SEMA3D: variants seen among roughly 807,000 people sequenced by gnomAD.
SEMA3D encodes semaphorin-3D.
SEMA3D carries 84 observed loss-of-function variants against 100.1 expected under a neutral mutation model. That is an observed-to-expected ratio of 0.84 (90% CI 0.70 to 1.01). SEMA3D has a LOEUF of 1.01. Ranked by LOEUF, SEMA3D falls within the 50% of genes least tolerant of loss-of-function variation. SEMA3D has a pLI of 0.00. For missense variants in SEMA3D, 875 were observed against 934.1 expected, an observed-to-expected ratio of 0.94 and a Z score of 0.82; for synonymous variants, 312 against 320.7, an observed-to-expected ratio of 0.97 and a Z score of 0.29.
At chr7:85,191,014 G>GA (rs978277260), upstream of SEMA3D, among the ~76,000 whole-genome samples, 29 of 150,674 alleles carry the variant, frequency 1.9e-4, no homozygotes, top group Admixed American at 9.3e-4. Flanking sequence ...AAAAAGAAAA[G>GA]AAAAAAAAAT....
At chr7:85,202,136 C>A in the SEMA3D span, among the ~76,000 whole-genome samples, 3 of 150,970 alleles carry the variant, frequency 2.0e-5, no homozygotes, top group African/African-American at 7.3e-5. Flanking sequence ...TATACATGTG[C>A]CATGCTGGTG....
chr7:85,168,473 C>T (rs1020889035), intron 1 of SEMA3D, among the ~76,000 whole-genome samples: 3 of 151,700 alleles, frequency 2.0e-5, no homozygotes, highest in Admixed American at 2.0e-4. Flanking sequence ...AGTTGTCAAC[C>T]TCACTAAGAA....
chr7:85,142,711 T>C (rs1790091102), intron 2 of SEMA3D: 1 of 953,652 alleles, frequency 1.0e-6, no homozygotes, highest in Non-Finnish European at 1.2e-6. Flanking sequence ...AAAAACCCCA[T>C]CAATGTTTTC....
At chr7:85,084,133 C>T (rs572180746) in intron 4 of SEMA3D, among the ~76,000 whole-genome samples, 1 of 151,682 alleles carries the variant, frequency 6.6e-6, no homozygotes, top group African/African-American at 2.4e-5. Context: ...GGCGACAGAG[C>T]GAGACTCCAT....
At chr7:85,015,785 G>A (rs912643588) in intron 15 of SEMA3D, among the ~76,000 whole-genome samples, 1 of 151,746 alleles carries the variant, frequency 6.6e-6, no homozygotes, top group Non-Finnish European at 1.5e-5. Flanking sequence ...CAAATGAAAG[G>A]CTGCATGATA....
chr7:85,004,106 A>G (rs912018331), intron 18 of SEMA3D, among the ~76,000 whole-genome samples: 7 of 152,134 alleles, frequency 4.6e-5, no homozygotes, highest in Middle Eastern at 3.4e-3. Context: ...ATGGATAACT[A>G]CGGCATCAGG....
At chr7:85,193,438 T>C in the SEMA3D span, among the ~76,000 whole-genome samples, 1 of 152,068 alleles carries the variant, frequency 6.6e-6, no homozygotes, top group Admixed American at 6.6e-5. Flanking sequence ...AAAATAATCA[T>C]TTAAAAATAC....
intron 6 of SEMA3D, among the ~76,000 whole-genome samples, chr7:85,071,776 C>G (rs748779407): frequency 2.0e-5 from 3 of 152,090 alleles, no homozygotes; most frequent in Non-Finnish European, 4.4e-5. Context: ...AGAAAAGATA[C>G]AGTAGAAATA....
chr7:85,181,340 ACACACAC>A (rs1562847432), intron 1 of SEMA3D, among the ~76,000 whole-genome samples: 2 of 132,626 alleles, frequency 1.5e-5, no homozygotes, highest in Admixed American at 8.2e-5. Flanking sequence ...ACACACACAC[ACACACAC>A]ACACACACAC....
chr7:85,095,960 TAATAC>T (rs1160733473), intron 4 of SEMA3D, among the ~76,000 whole-genome samples: 1 of 151,996 alleles, frequency 6.6e-6, no homozygotes, highest in East Asian at 1.9e-4. Context: ...AGCAATGATC[TAATAC>T]ACTCAGTTCA....
intron 4 of SEMA3D, among the ~76,000 whole-genome samples, chr7:85,093,717 T>G (rs1414952619): frequency 1.3e-5 from 2 of 152,004 alleles, no homozygotes; most frequent in South Asian, 4.1e-4. Context: ...AATTCAAAAT[T>G]TAAAGAAACA....
chr7:85,114,406 C>A (rs182221598), intron 3 of SEMA3D, among the ~76,000 whole-genome samples: 191 of 152,248 alleles, frequency 1.3e-3, no homozygotes, highest in South Asian at 2.9e-3. Context: ...GAAGACTCTG[C>A]ATTCTTTAAA....
chr7:85,045,865 AT>A (rs762555365), intron 9 of SEMA3D, among the ~76,000 whole-genome samples: 18 of 151,936 alleles, frequency 1.2e-4, no homozygotes, highest in Admixed American at 3.3e-4. Flanking sequence ...TAATCTTTAC[AT>A]TTTTTTATCA....
intron 12 of SEMA3D, among the ~76,000 whole-genome samples, chr7:85,026,596 C>T (rs566292243): frequency 6.6e-6 from 1 of 152,000 alleles, no homozygotes; most frequent in Non-Finnish European, 1.5e-5. Context: ...TAACACTAGA[C>T]AAATTAATAG....
chr7:85,019,422 T>TC (rs1013824244), intron 14 of SEMA3D, among the ~76,000 whole-genome samples: 15 of 151,630 alleles, frequency 9.9e-5, no homozygotes, highest in Non-Finnish European at 2.1e-4. Context: ...ACCACTATTA[T>TC]CATCACAACA....
the SEMA3D span, among the ~76,000 whole-genome samples, chr7:85,231,923 A>T: frequency 6.6e-6 from 1 of 152,190 alleles, no homozygotes; most frequent in Admixed American, 6.5e-5. Flanking sequence ...TTCTTAAAAA[A>T]TATGGTCACT....
intron 1 of SEMA3D, among the ~76,000 whole-genome samples, chr7:85,160,321 T>C (rs1027933059): frequency 1.3e-5 from 2 of 151,516 alleles, no homozygotes; most frequent in Admixed American, 1.3e-4. Context: ...GGGAAGATAA[T>C]GGGTCTGATG....
the SEMA3D span, among the ~76,000 whole-genome samples, chr7:85,222,533 G>A: frequency 6.6e-6 from 1 of 151,944 alleles, no homozygotes; most frequent in African/African-American, 2.4e-5. Flanking sequence ...TCTGTGTGTG[G>A]AGTATATTCA....
At chr7:85,019,153 G>A (rs1790186378) in intron 14 of SEMA3D, among the ~76,000 whole-genome samples, 1 of 151,606 alleles carries the variant, frequency 6.6e-6, no homozygotes, top group South Asian at 2.1e-4. Flanking sequence ...CCTCAATAAA[G>A]CTGATTTTAC....
Sources: gnomAD v4.1 joint callset for allele counts (sites outside exome capture counted in the v4.1 genomes callset) on GRCh38, gnomAD v4.1.1 for gene constraint, MANE v1.5 for transcripts, NCBI Gene and HGNC (gene_info 2026-07-23, HGNC 2026-07-21) for gene names.